Variants in TBL1XR1 observed in about 807,000 individuals in gnomAD.
TBL1XR1 encodes the protein TBL1X/Y related 1, also known as F-box-like/WD repeat-containing protein TBL1XR1.
Under a neutral mutation model 66.9 loss-of-function variants are expected in TBL1XR1, and 5 were observed. The ratio of observed to expected loss-of-function variants is 0.07; its 90% CI spans 0.04 to 0.16. The LOEUF (loss-of-function observed/expected upper bound fraction) is 0.16, where lower values mean the gene tolerates loss of function less well. Ranked by LOEUF, TBL1XR1 falls within the 10% of genes least tolerant of loss-of-function variation. The probability of loss-of-function intolerance (pLI) is 1.00; values close to 1 mark genes in which losing one functional copy is unlikely to be tolerated. For synonymous variants in TBL1XR1, 210 were observed against 206.0 expected (o/e 1.02, Z -0.17); for missense variants, 238 against 623.2 (o/e 0.38, Z 6.58).
chr3:177,025,469 A>T lies in TBL1XR1; in HGVS notation c.*29T>A. On this transcript the variant is annotated 3_prime_UTR_variant, in exon 16 of 16. Transcript: ENST00000457928. Reference sequence around the variant, plus strand: ...TCATTTTGGCTATGTACACATTCATAGTCGGTCCATGGCTTCCAACTAGTA... The same window carrying T: ...TCATTTTGGCTATGTACACATTCATTGTCGGTCCATGGCTTCCAACTAGTA... The T allele has an allele frequency of 6.2e-7, 1 of 1,611,586 alleles. No individual in the cohort carries two copies. Among genetic ancestry groups the T allele is most frequent in the Non-Finnish European group, 8.5e-7 (1 of 1,179,182 alleles).
chr3:177,148,004 T>C (rs1730452970), intron 1 of TBL1XR1, among the ~76,000 whole-genome samples: 1 of 152,228 alleles, frequency 6.6e-6, no homozygotes, highest in South Asian at 2.1e-4. Flanking sequence ...CTTTCCACCA[T>C]TAAGAAAGTT....
chr3:177,036,962 T>G (rs1415182028), intron 12 of TBL1XR1, among the ~76,000 whole-genome samples: 3 of 152,202 alleles, frequency 2.0e-5, no homozygotes, highest in African/African-American at 7.2e-5. Flanking sequence ...ACGTTGTTCT[T>G]TATCTCCAAA....
chr3:177,143,738 A>G (rs1729901459), intron 1 of TBL1XR1, among the ~76,000 whole-genome samples: 1 of 152,236 alleles, frequency 6.6e-6, no homozygotes, highest in Non-Finnish European at 1.5e-5. Flanking sequence ...GTTTCAATTC[A>G]GTGAGGGTAC....
intron 10 of TBL1XR1, among the ~76,000 whole-genome samples, chr3:177,042,380 G>A (rs994622027): frequency 2.6e-5 from 4 of 152,210 alleles, no homozygotes; most frequent in African/African-American, 4.8e-5. Flanking sequence ...TGTTAGAGAG[G>A]AGGCTAAAAT....
chr3:177,191,961 C>A (rs1018317771), intron 1 of TBL1XR1, among the ~76,000 whole-genome samples: 3 of 151,806 alleles, frequency 2.0e-5, no homozygotes, highest in Non-Finnish European at 2.9e-5. Context: ...AGGCAAGTGA[C>A]AGGCGCCTGT....
chr3:177,156,123 A>T (rs1380201937), intron 1 of TBL1XR1, among the ~76,000 whole-genome samples: 1 of 151,150 alleles, frequency 6.6e-6, no homozygotes, highest in Admixed American at 6.6e-5. Flanking sequence ...CATTAAAAAA[A>T]AAAAACCTAG....
At chr3:177,110,096 CTATCAGGCAT>C (rs953447854) in intron 1 of TBL1XR1, among the ~76,000 whole-genome samples, 1 of 152,112 alleles carries the variant, frequency 6.6e-6, no homozygotes, top group African/African-American at 2.4e-5. Flanking sequence ...CCTAGGAGAC[CTATCAGGCAT>C]TATAATTGAC....
At chr3:177,184,303 G>A (rs1326436155) in intron 1 of TBL1XR1, among the ~76,000 whole-genome samples, 1 of 152,134 alleles carries the variant, frequency 6.6e-6, no homozygotes, top group East Asian at 1.9e-4. Context: ...AGTATCAGAA[G>A]CCATAGTTCC....
chr3:177,169,558 G>A (rs568189523), intron 1 of TBL1XR1, among the ~76,000 whole-genome samples: 1 of 152,174 alleles, frequency 6.6e-6, no homozygotes, highest in Non-Finnish European at 1.5e-5. Context: ...TGTATATTCA[G>A]GCAATGCTAC....
chr3:177,040,912 A>G (rs1715494062), intron 10 of TBL1XR1, among the ~76,000 whole-genome samples: 2 of 152,222 alleles, frequency 1.3e-5, no homozygotes, highest in African/African-American at 4.8e-5. Flanking sequence ...TATGGAGGTT[A>G]CATGAAATTT....
chr3:177,179,895 C>A (rs1258702472), intron 1 of TBL1XR1, among the ~76,000 whole-genome samples: 2 of 152,132 alleles, frequency 1.3e-5, no homozygotes, highest in Non-Finnish European at 1.5e-5. Flanking sequence ...ACCAGCATAT[C>A]TGACACAAAA....
intron 1 of TBL1XR1, among the ~76,000 whole-genome samples, chr3:177,178,831 T>C (rs553201717): frequency 6.6e-6 from 1 of 151,868 alleles, no homozygotes; most frequent in South Asian, 2.1e-4. Context: ...TATAACCTGA[T>C]TATCAGTCAG....
At chr3:177,146,671 A>C (rs192324061) in intron 1 of TBL1XR1, among the ~76,000 whole-genome samples, 1 of 151,816 alleles carries the variant, frequency 6.6e-6, no homozygotes, top group Non-Finnish European at 1.5e-5. Flanking sequence ...GAAGCTATCA[A>C]GCTCACAGTA....
chr3:177,173,586 A>G (rs1733817540), intron 1 of TBL1XR1, among the ~76,000 whole-genome samples: 2 of 152,220 alleles, frequency 1.3e-5, no homozygotes, highest in African/African-American at 4.8e-5. Flanking sequence ...GAAAAAGGGG[A>G]AAGACTGAGA....
chr3:177,114,499 C>T (rs1577209991), intron 1 of TBL1XR1, among the ~76,000 whole-genome samples: 1 of 151,902 alleles, frequency 6.6e-6, no homozygotes, highest in Non-Finnish European at 1.5e-5. Context: ...CGGGCCCTCA[C>T]ACTGTTGTCC....
intron 1 of TBL1XR1, among the ~76,000 whole-genome samples, chr3:177,157,641 G>A (rs550275070): frequency 6.6e-6 from 1 of 152,192 alleles, no homozygotes; most frequent in Admixed American, 6.5e-5. Flanking sequence ...CAGGTTCTGG[G>A]AATTAGAGTA....
chr3:177,034,547 T>C (rs990132113), intron 12 of TBL1XR1, among the ~76,000 whole-genome samples: 2 of 152,108 alleles, frequency 1.3e-5, no homozygotes, highest in African/African-American at 4.8e-5. Flanking sequence ...TTTAAAAATA[T>C]TCACTATTAC....
intron 1 of TBL1XR1, among the ~76,000 whole-genome samples, chr3:177,187,412 T>C (rs899491905): frequency 5.5e-4 from 79 of 143,666 alleles, no homozygotes; most frequent in African/African-American, 1.9e-3. Flanking sequence ...AAAAAAAGAA[T>C]CCTAGGATCT....
At chr3:177,164,179 T>C (rs889571936) in intron 1 of TBL1XR1, among the ~76,000 whole-genome samples, 3 of 152,098 alleles carry the variant, frequency 2.0e-5, no homozygotes, top group African/African-American at 7.2e-5. Context: ...CTGAGTAAAA[T>C]TCATTATTGT....
Sources: allele counts gnomAD v4.1 joint callset (sites outside exome capture counted in the v4.1 genomes callset), GRCh38; gene constraint gnomAD v4.1.1; transcripts MANE v1.5; gene names NCBI Gene and HGNC (gene_info 2026-07-23, HGNC 2026-07-21).